The following RTL4 variants were observed in gnomAD, a reference collection of about 807,000 sequenced individuals.
RTL4 encodes retrotransposon Gag like 4.
In RTL4, 4 loss-of-function variants were observed where a neutral mutation model predicts 5.3. The ratio of observed to expected loss-of-function variants is 0.75; its 90% CI spans 0.37 to 1.72. The LOEUF is 1.72. RTL4 is among the 40% of genes most tolerant of loss of function. The pLI is 0.04. For synonymous variants in RTL4, 98 were observed against 87.3 expected (o/e 1.12, Z -0.68); for missense variants, 260 against 227.1 (o/e 1.14, Z -0.93).
At chrX:112,223,258 C>A in the RTL4 span, among the ~76,000 whole-genome samples, 1 of 112,090 alleles carries the variant, frequency 8.9e-6, no homozygotes, top group Admixed American at 9.5e-5. Flanking sequence ...CTGACTGAAA[C>A]AACTGGGCTT....
At chrX:112,335,874 G>T in the RTL4 span, among the ~76,000 whole-genome samples, 46 of 108,274 alleles carry the variant, frequency 4.2e-4, no homozygotes, top group Non-Finnish European at 8.0e-4. Flanking sequence ...TCAGAGTCTC[G>T]CTCTGTCCAC....
At chrX:112,087,188 G>A in the RTL4 span, among the ~76,000 whole-genome samples, 2 of 111,241 alleles carry the variant, frequency 1.8e-5, no homozygotes, top group African/African-American at 6.5e-5. Flanking sequence ...GACTCTGTGG[G>A]ACCTCAGGAA....
At chrX:112,134,546 T>C in the RTL4 span, among the ~76,000 whole-genome samples, 2 of 112,001 alleles carry the variant, frequency 1.8e-5, no homozygotes, top group Admixed American at 1.9e-4. Flanking sequence ...ATAGTACTTT[T>C]AAAAAATAGC....
the RTL4 span, among the ~76,000 whole-genome samples, chrX:112,228,068 C>T: frequency 9.0e-6 from 1 of 111,710 alleles, no homozygotes; most frequent in African/African-American, 3.3e-5. Context: ...TGCTTGTAAG[C>T]ACTTGCTGAC....
chrX:112,325,377 A>T, the RTL4 span, among the ~76,000 whole-genome samples: 1 of 112,106 alleles, frequency 8.9e-6, no homozygotes, highest in Non-Finnish European at 1.9e-5. Context: ...AGCTGGAGGC[A>T]TCACACTACC....
At chrX:112,139,108 G>T in the RTL4 span, among the ~76,000 whole-genome samples, 2 of 111,103 alleles carry the variant, frequency 1.8e-5, no homozygotes, top group African/African-American at 6.5e-5. Context: ...GAGTTTTTCT[G>T]ATGTTTTCTC....
the RTL4 span, among the ~76,000 whole-genome samples, chrX:112,248,715 G>C: frequency 3.6e-5 from 4 of 111,885 alleles, no homozygotes; most frequent in African/African-American, 9.8e-5. Context: ...GATAATAACT[G>C]TCCCATGGTG....
At chrX:112,271,212 A>C in the RTL4 span, among the ~76,000 whole-genome samples, 1 of 113,018 alleles carries the variant, frequency 8.8e-6, no homozygotes, top group Non-Finnish European at 1.9e-5. Context: ...ATAGAGTGGG[A>C]GGATCAAGCA....
At chrX:112,144,145 A>G in the RTL4 span, among the ~76,000 whole-genome samples, 1 of 111,295 alleles carries the variant, frequency 9.0e-6, no homozygotes, top group Non-Finnish European at 1.9e-5. Flanking sequence ...TTCAGTGCTC[A>G]TTTAATTTGC....
chrX:112,280,499 G>A, the RTL4 span, among the ~76,000 whole-genome samples: 1 of 110,464 alleles, frequency 9.1e-6, no homozygotes, highest in South Asian at 3.9e-4. Flanking sequence ...TTCTTTCTTT[G>A]TTTTTTTGAG....
chrX:112,148,383 A>G, the RTL4 span, among the ~76,000 whole-genome samples: 1 of 110,316 alleles, frequency 9.1e-6, no homozygotes, highest in Admixed American at 9.7e-5. Context: ...ATGCTAATGG[A>G]ATGAAATACA....
the RTL4 span, among the ~76,000 whole-genome samples, chrX:112,159,765 C>T: frequency 9.0e-6 from 1 of 111,482 alleles, no homozygotes; most frequent in Non-Finnish European, 1.9e-5. Flanking sequence ...CCCGTCTCCC[C>T]ACTCTTCCAA....
the RTL4 span, among the ~76,000 whole-genome samples, chrX:112,125,514 C>G: frequency 1.8e-5 from 2 of 111,739 alleles, no homozygotes; most frequent in African/African-American, 6.5e-5. Context: ...GTTGTTCAAA[C>G]TTTAAGGACA....
chrX:112,344,639 C>T, the RTL4 span, among the ~76,000 whole-genome samples: 1 of 112,159 alleles, frequency 8.9e-6, no homozygotes. Context: ...CTGGGGATTA[C>T]AATTTGACAT....
At chrX:112,408,309 A>G in the RTL4 span, among the ~76,000 whole-genome samples, 1 of 110,552 alleles carries the variant, frequency 9.0e-6, no homozygotes, top group South Asian at 3.9e-4. Context: ...AGAGATTGAA[A>G]TAATTAAAAA....
At chrX:112,453,789 G>T (rs776233903), upstream of RTL4, among the ~76,000 whole-genome samples, 1 of 112,170 alleles carries the variant, frequency 8.9e-6, no homozygotes, top group South Asian at 3.7e-4. Context: ...TGAGACCCAA[G>T]ATTCTGCATT....
chrX:112,351,883 G>T, the RTL4 span, among the ~76,000 whole-genome samples: 1 of 111,218 alleles, frequency 9.0e-6, no homozygotes, highest in East Asian at 2.9e-4. Context: ...AGTTAATATT[G>T]TTATGTGTGA....
At chrX:112,101,841 G>A in the RTL4 span, among the ~76,000 whole-genome samples, 1 of 110,428 alleles carries the variant, frequency 9.1e-6, no homozygotes, top group Non-Finnish European at 1.9e-5. Context: ...AAAGCACAGA[G>A]ACATAAGGAA....
At chrX:112,264,792 T>G in the RTL4 span, among the ~76,000 whole-genome samples, 1 of 111,917 alleles carries the variant, frequency 8.9e-6, no homozygotes, top group African/African-American at 3.2e-5. Context: ...TGCTGACAAA[T>G]GACTGGTTAG....
Sources: gnomAD v4.1 joint callset for allele counts (sites outside exome capture counted in the v4.1 genomes callset) on GRCh38, gnomAD v4.1.1 for gene constraint, MANE v1.5 for transcripts, NCBI Gene and HGNC (gene_info 2026-07-23, HGNC 2026-07-21) for gene names.